ZNF780A: variants seen among roughly 807,000 people sequenced by gnomAD.
The protein encoded by ZNF780A is zinc finger protein 780A.
ZNF780A carries 40 observed loss-of-function variants against 56.7 expected under a neutral mutation model. The ratio of observed to expected loss-of-function variants is 0.71; its 90% CI spans 0.55 to 0.92. The LOEUF (loss-of-function observed/expected upper bound fraction) is 0.92. ZNF780A is among the 40% of genes least tolerant of loss of function. ZNF780A has a pLI of 0.00. For missense variants in ZNF780A, 672 were observed against 783.3 expected (o/e 0.86, Z 1.70); for synonymous variants, 231 against 248.3 (o/e 0.93, Z 0.66).
At chr19:40,071,578 G>T (rs919921102), downstream of ZNF780A, 3 of 152,066 alleles carry the variant, frequency 2.0e-5, no homozygotes, top group African/African-American at 7.2e-5. Context: ...AAATACACAT[G>T]ATTATAAATA....
At chr19:40,087,273 G>C (rs1438611516) in intron 2 of ZNF780A, among the ~76,000 whole-genome samples, 1 of 152,066 alleles carries the variant, frequency 6.6e-6, no homozygotes, top group Non-Finnish European at 1.5e-5. Context: ...ATATTGTGCT[G>C]GATAATTCTT....
chr19:40,071,870 A>G (rs1973831007), downstream of ZNF780A: 1 of 152,440 alleles, frequency 6.6e-6, no homozygotes, highest in African/African-American at 2.4e-5. Flanking sequence ...CTATAAAGAA[A>G]GAAATCTAAA....
chr19:40,090,862 T>A (rs1040760003), intron 1 of ZNF780A, 44 bp downstream of exon 1: 8 of 152,236 alleles, frequency 5.3e-5, no homozygotes, highest in Non-Finnish European at 1.2e-4. Flanking sequence ...TCCGCAGAGA[T>A]CTCCCGCAGC....
chr19:40,082,972 A>C, intron 4 of ZNF780A, 139 bp downstream of exon 4: 1 of 1,439,548 alleles, frequency 6.9e-7, no homozygotes, highest in Non-Finnish European at 9.5e-7. Flanking sequence ...TTTTCAACCC[A>C]ACAAATCCCA....
At position 40,074,298 on chromosome 19, in the gene ZNF780A, T is replaced by C; in HGVS notation, c.*218A>G. 6.7e-7 allele frequency: 1 copy of C among 1,495,326 alleles called. No homozygotes were observed. Among genetic ancestry groups the C allele is most frequent in the Non-Finnish European group, 8.9e-7 (1 of 1,124,404 alleles). 92.6% of individuals were successfully genotyped at this position (1,495,326 alleles called of 1,614,324 possible). ...TTTTTTACCAGTGTGAATTTGGTAA[T>C]GTTAAATAAGTGGTAATGATATCTA... On this transcript the variant is annotated 3_prime_UTR_variant, in exon 6 of 6. Transcript: ENST00000683561.
rs62108932 is a variant in ZNF780A, at chr19:40,074,807, A to G, written c.1635T>C (p.Asn545=). The G allele has an allele frequency of 3.8e-3, 6,176 of 1,614,178 alleles. 12 individuals carry two copies. Among genetic ancestry groups the G allele is most frequent in the Non-Finnish European group, 4.4e-3 (5,200 of 1,180,024 alleles). Reference sequence around the variant, plus strand: ...TTCCAGTATGAATACTTCGATGTTGATTAAGATTTGAACCACGACGAAAGA... The same window carrying G: ...TTCCAGTATGAATACTTCGATGTTGGTTAAGATTTGAACCACGACGAAAGA... ...GKFFRRGSNL[N]QHRSIHTGKK... Residue 545 remains asparagine, a synonymous_variant, in exon 6 of 6, where the codon AAT becomes AAC. Coordinates refer to ENST00000683561, the MANE Select transcript of ZNF780A (RefSeq NM_001142578.2).
intron 5 of ZNF780A, among the ~76,000 whole-genome samples, chr19:40,078,742 G>C (rs996160625): frequency 1.3e-5 from 2 of 152,150 alleles, no homozygotes; most frequent in Admixed American, 6.5e-5. Flanking sequence ...GCTGAGGGCA[G>C]ACCAGCTCTA....
rs1459509898 is a variant in ZNF780A, at chr19:40,074,438, G to C, written c.*78C>G. The C allele has an allele frequency of 6.3e-7, 1 of 1,577,850 alleles. No homozygotes were observed. Among genetic ancestry groups the C allele is most frequent in the East Asian group, 2.2e-5 (1 of 44,662 alleles). ...TTTCCCACACCCCTTACATTCACAT[G>C]GTTTTACACCAGCACGAATACTCTG... On this transcript the variant is annotated 3_prime_UTR_variant, in exon 6 of 6. Transcript: ENST00000683561.
chr19:40,082,694 G>T (rs1974546392), intron 4 of ZNF780A, among the ~76,000 whole-genome samples: 1 of 152,062 alleles, frequency 6.6e-6, no homozygotes, highest in South Asian at 2.1e-4. Context: ...GATCATAGAG[G>T]TTTCTCTGAT....
chr19:40,085,561 T>C (rs1200279489), intron 2 of ZNF780A, among the ~76,000 whole-genome samples: 2 of 152,190 alleles, frequency 1.3e-5, no homozygotes, highest in South Asian at 2.1e-4. Flanking sequence ...CTGTGTATTG[T>C]AGCTCCAATT....
intron 2 of ZNF780A, among the ~76,000 whole-genome samples, chr19:40,086,370 G>C (rs1259854020): frequency 2.0e-5 from 3 of 152,098 alleles, no homozygotes; most frequent in Admixed American, 1.3e-4. Context: ...ACCTGAGCCT[G>C]TCACGAGATT....
intron 3 of ZNF780A, 41 bp downstream of exon 3, chr19:40,084,704 A>T: frequency 1.3e-6 from 2 of 1,542,344 alleles, no homozygotes; most frequent in Non-Finnish European, 1.8e-6. Context: ...CTAACCTGAA[A>T]GTCACCATAT....
rs1382429855 is a variant in ZNF780A, at chr19:40,075,735, A to C, written c.707T>G (p.Leu236Arg). 7 of 1,613,986 alleles carry C rather than the reference A, an allele frequency of 4.3e-6. No individual in the cohort carries two copies. The Admixed American group carries it at 5.0e-5, about 12-fold the overall frequency. Residue 236 changes from leucine to arginine, a missense_variant, in exon 6 of 6, where the codon CTT becomes CGT. Physicochemically the swap from Leu to Arg is moderately radical, Grantham distance 102. Coordinates refer to ENST00000683561, the MANE Select transcript of ZNF780A (RefSeq NM_001142578.2). ...CGKAFSLLTL[L>R]NRHKNIHTGE... ...TGTGTGAATGTTCTTATGGCGATTA[A>C]GCAGGGTAAGAAGACTAAAGGCCTT...
At chr19:40,081,589 G>A (rs560239800) in intron 5 of ZNF780A, among the ~76,000 whole-genome samples, 1 of 151,716 alleles carries the variant, frequency 6.6e-6, no homozygotes, top group Admixed American at 6.6e-5. Flanking sequence ...TCCACTAAAA[G>A]GGGAAGGAAA....
rs1973950694 is a variant in ZNF780A, at chr19:40,074,378, T to G, written c.*138A>C. Reference sequence around the variant, plus strand: ...GAGTTTCTCACTGGAATGAATTTTCTGATGCTGAATAACGTTTGAACCACA... The same window carrying G: ...GAGTTTCTCACTGGAATGAATTTTCGGATGCTGAATAACGTTTGAACCACA... On this transcript the variant is annotated 3_prime_UTR_variant, in exon 6 of 6. Coordinates refer to ENST00000683561, the MANE Select transcript of ZNF780A (RefSeq NM_001142578.2). 10 of 1,536,644 alleles carry G rather than the reference T, an allele frequency of 6.5e-6. No individual in the cohort carries two copies. The highest frequency in any genetic ancestry group is 7.0e-6 in the Non-Finnish European group (8 of 1,146,594).
intron 2 of ZNF780A, among the ~76,000 whole-genome samples, chr19:40,086,864 G>T (rs774086747): frequency 6.6e-6 from 1 of 151,712 alleles, no homozygotes; most frequent in Non-Finnish European, 1.5e-5. Context: ...CACCACTCCC[G>T]GCTAGTTTTT....
Position 40,075,774 on chromosome 19 carries a change from C to T in ZNF780A, c.668G>A (p.Cys223Tyr). The change falls in exon 6 of 6, where the codon TGT becomes TAT. Residue 223 changes from cysteine to tyrosine, a missense_variant. By Grantham distance (194) the Cys-to-Tyr change is radical. Coordinates refer to ENST00000683561, the MANE Select transcript of ZNF780A (RefSeq NM_001142578.2). ...ACTAAAGGCCTTTCCACATTCGTTA[C>T]ATTCAAAAGGTTTCTCACCAGTATG... ...KFHTGEKPFE[C>Y]NECGKAFSLL... 1.9e-6 allele frequency: 3 copies of T among 1,614,076 alleles called. No homozygotes were observed. Among genetic ancestry groups the T allele is most frequent in the Non-Finnish European group, 2.5e-6 (3 of 1,179,994 alleles).
chr19:40,078,876 C>A (rs1056318978), intron 5 of ZNF780A, among the ~76,000 whole-genome samples: 1 of 151,916 alleles, frequency 6.6e-6, no homozygotes, highest in Non-Finnish European at 1.5e-5. Context: ...CAAATGTTAC[C>A]CCTATAGAAA....
chr19:40,073,697 A>G lies in ZNF780A; in HGVS notation c.*819T>C, dbSNP rs1973923111. On this transcript the variant is annotated 3_prime_UTR_variant, in exon 6 of 6. Coordinates refer to ENST00000683561, the MANE Select transcript of ZNF780A (RefSeq NM_001142578.2). ...TTACACTCAAAGATTTCTCAGAAGT[A>G]TGAATACTCAGAAGTTGAGCAAATC... The G allele has an allele frequency of 5.1e-6, 5 of 985,830 alleles. No individual in the cohort carries two copies. The highest frequency in any genetic ancestry group is 6.0e-6 in the Non-Finnish European group (5 of 830,360). The allele number at this position is 985,830 out of a possible 1,614,324, so 61.1% of individuals were successfully genotyped here. A position where few individuals can be genotyped will look rare whatever the true frequency, so the allele number is the denominator to read the frequency against.
Sources: allele counts gnomAD v4.1 joint callset (sites outside exome capture counted in the v4.1 genomes callset), GRCh38; gene constraint gnomAD v4.1.1; transcripts MANE v1.5; gene names NCBI Gene and HGNC (gene_info 2026-07-23, HGNC 2026-07-21).